LANCL3: variants seen among roughly 807,000 people sequenced by gnomAD.
LANCL3 encodes lanC-like protein 3.
Under a neutral mutation model 26.5 loss-of-function variants are expected in LANCL3, and 19 were observed. The ratio of observed to expected loss-of-function variants is 0.72; its 90% confidence interval spans 0.50 to 1.05. LANCL3 has a LOEUF of 1.05. Ranked by LOEUF, LANCL3 falls within the 50% of genes least tolerant of loss-of-function variation. The pLI, the probability that LANCL3 is intolerant of heterozygous loss-of-function variation, is 0.00. For missense variants in LANCL3, 318 were observed against 362.7 expected, an observed-to-expected ratio of 0.88 and a Z score of 1.00; for synonymous variants, 160 against 166.6, an observed-to-expected ratio of 0.96 and a Z score of 0.30.
chrX:37,667,237 A>G (rs1158890002), intron 3 of LANCL3, 45 bp from the exon 4 acceptor site: 6 of 857,379 alleles, frequency 7.0e-6, no homozygotes, highest in Non-Finnish European at 9.5e-6. Flanking sequence ...GCTCCAAAGT[A>G]TTAAGTCCTG....
In LANCL3 at chrX:37,578,257, C is replaced by T. The variant is rs782541072; in HGVS notation, c.573+5814C>T. Among the ~76,000 whole-genome samples, 7 of 112,087 alleles carry T rather than the reference C, an allele frequency of 6.2e-5. No individual in the cohort carries two copies. In the East Asian group the frequency reaches 1.4e-3, roughly 22 times the overall value. On this transcript the variant is annotated intron_variant, in intron 1 of 4. Coordinates refer to ENST00000378619, the MANE Select transcript of LANCL3 (RefSeq NM_001170331.2). ...TCATTGCCCAGCACTTGGTCATTAGCCAGTTCTAGTTTCAGGGAGGCTGGG... is the reference window on the plus strand; with the variant it reads ...TCATTGCCCAGCACTTGGTCATTAGTCAGTTCTAGTTTCAGGGAGGCTGGG...
intron 1 of LANCL3, among the ~76,000 whole-genome samples, chrX:37,650,275 C>G (rs1262055156): frequency 3.0e-5 from 3 of 99,919 alleles, no homozygotes; most frequent in Non-Finnish European, 6.1e-5. Context: ...TGCACTCCAG[C>G]CTGGGTGACT....
rs782652448 is a variant in LANCL3 at position 37,684,320 on chromosome X, T to A, written c.*8507T>A. On this transcript the variant is annotated 3_prime_UTR_variant, in exon 5 of 5. Transcript: ENST00000378619. ...ATTCGTTTTGTACTGTAGAAAATAA[T>A]TCGCTATAAACTGGACTTTATAGTG... 8.9e-6 allele frequency: 1 copy of A among 112,946 alleles called. No homozygotes were observed. Among genetic ancestry groups the A allele is most frequent in the South Asian group, 3.6e-4 (1 of 2,774 alleles). The allele number at this position is 112,946 out of a possible 1,213,427, so 9.3% of individuals were successfully genotyped here.
At chrX:37,590,241 A>C (rs1924234570) in intron 1 of LANCL3, among the ~76,000 whole-genome samples, 1 of 112,560 alleles carries the variant, frequency 8.9e-6, no homozygotes, top group Non-Finnish European at 1.9e-5. Context: ...TTCTAGAGAT[A>C]ATTTGCTTAC....
chrX:37,639,926 A>G lies in LANCL3; in HGVS notation c.574-15762A>G, dbSNP rs1221182105. Among the ~76,000 whole-genome samples, 13 of 111,754 alleles carry G rather than the reference A, an allele frequency of 1.2e-4. No homozygotes were observed. In the Admixed American group the frequency reaches 1.2e-3, roughly 11 times the overall value. On this transcript the variant is annotated intron_variant, in intron 1 of 4. Coordinates refer to ENST00000378619, the MANE Select transcript of LANCL3 (RefSeq NM_001170331.2). ...TATGTCCATCCTTACAATTTTGGCG[A>G]TTGCCTTCAGTTGAATTCACATTGG...
At chrX:37,628,488 G>A (rs184709116) in intron 1 of LANCL3, among the ~76,000 whole-genome samples, 1 of 108,620 alleles carries the variant, frequency 9.2e-6, no homozygotes, top group East Asian at 2.9e-4. Context: ...GGGTACATGT[G>A]CACAATGTGC....
At chrX:37,616,048 C>G (rs1371885250) in intron 1 of LANCL3, among the ~76,000 whole-genome samples, 3 of 111,744 alleles carry the variant, frequency 2.7e-5, no homozygotes, top group African/African-American at 9.8e-5. Flanking sequence ...ATTCAGGCTC[C>G]CATTCCCCAT....
At chrX:37,657,446 C>T (rs1012845633) in intron 2 of LANCL3, among the ~76,000 whole-genome samples, 16 of 111,266 alleles carry the variant, frequency 1.4e-4, no homozygotes, top group African/African-American at 4.6e-4. Context: ...CACGCAACCT[C>T]GACCTCCTGA....
chrX:37,605,077 C>G (rs1924671133), intron 1 of LANCL3, among the ~76,000 whole-genome samples: 2 of 111,518 alleles, frequency 1.8e-5, no homozygotes, highest in Non-Finnish European at 3.8e-5. Context: ...CCCCTCTATC[C>G]CCTTTGTCGC....
chrX:37,673,687 T>C (rs1300133854), intron 4 of LANCL3, among the ~76,000 whole-genome samples: 1 of 111,707 alleles, frequency 9.0e-6, no homozygotes, highest in Non-Finnish European at 1.9e-5. Context: ...CTATTTTAAG[T>C]TGCTATGTAT....
At chrX:37,632,082 G>A (rs1323811088) in intron 1 of LANCL3, among the ~76,000 whole-genome samples, 2 of 111,234 alleles carry the variant, frequency 1.8e-5, no homozygotes, top group Non-Finnish European at 3.8e-5. Context: ...TATTGTGTGG[G>A]AGTGTAAGTC....
rs1556438896 is a variant in LANCL3 at position 37,683,177 on chromosome X, T to C, written c.*7364T>C. On this transcript the variant is annotated 3_prime_UTR_variant, in exon 5 of 5. Transcript: ENST00000378619. ...TACTTACAGAAATATAATTGTATCA[T>C]TGAAAAAAACAAAGCTCACCTTCCT... The C allele has an allele frequency of 1.8e-5, 2 of 111,635 alleles. No individual in the cohort carries two copies. Among genetic ancestry groups the C allele is most frequent in the Non-Finnish European group, 1.9e-5 (1 of 53,100 alleles). The allele number at this position is 111,635 out of a possible 1,213,427, so 9.2% of individuals were successfully genotyped here.
chrX:37,631,727 A>ATT (rs1925518895), intron 1 of LANCL3, among the ~76,000 whole-genome samples: 1 of 111,087 alleles, frequency 9.0e-6, no homozygotes, highest in Non-Finnish European at 1.9e-5. Flanking sequence ...GTCATTCAGG[A>ATT]GCAGGTTGTT....
intron 1 of LANCL3, among the ~76,000 whole-genome samples, chrX:37,584,264 T>G (rs1223310440): frequency 9.2e-6 from 1 of 109,029 alleles, no homozygotes; most frequent in African/African-American, 3.5e-5. Flanking sequence ...ATCAGGGATA[T>G]TGGTCTAAAA....
At chrX:37,616,510 G>A (rs1556421703) in intron 1 of LANCL3, among the ~76,000 whole-genome samples, 1 of 111,937 alleles carries the variant, frequency 8.9e-6, no homozygotes, top group Non-Finnish European at 1.9e-5. Context: ...AAATGTCAGG[G>A]AGGTACTAGC....
At chrX:37,586,774 T>A (rs1221080677) in intron 1 of LANCL3, among the ~76,000 whole-genome samples, 3 of 112,306 alleles carry the variant, frequency 2.7e-5, no homozygotes, top group Non-Finnish European at 5.6e-5. Context: ...AGTTTGATCG[T>A]CTGAAGCCTT....
chrX:37,649,729 A>G (rs1240413042), intron 1 of LANCL3, among the ~76,000 whole-genome samples: 1 of 110,892 alleles, frequency 9.0e-6, no homozygotes, highest in Non-Finnish European at 1.9e-5. Context: ...CCTCTTAGAG[A>G]TATCAGAGGT....
At chrX:37,614,646 G>C (rs1820503916) in intron 1 of LANCL3, among the ~76,000 whole-genome samples, 1 of 112,049 alleles carries the variant, frequency 8.9e-6, no homozygotes, top group African/African-American at 3.2e-5. Flanking sequence ...GTTGAAATTT[G>C]GCTCATGAAT....
chrX:37,647,036 T>C (rs781959268), intron 1 of LANCL3, among the ~76,000 whole-genome samples: 86 of 112,309 alleles, frequency 7.7e-4, no homozygotes, highest in African/African-American at 2.7e-3. Flanking sequence ...CCCAGGAGGC[T>C]GGGTGTGGTG....
Sources: allele counts gnomAD v4.1 joint callset (sites outside exome capture counted in the v4.1 genomes callset), GRCh38; gene constraint gnomAD v4.1.1; transcripts MANE v1.5; gene names NCBI Gene and HGNC (gene_info 2026-07-23, HGNC 2026-07-21).